NRXN3: variants seen among roughly 807,000 people sequenced by gnomAD.
NRXN3 encodes neurexin III.
NRXN3 carries 32 observed loss-of-function variants against 137.6 expected under a neutral mutation model. The ratio of observed to expected loss-of-function variants is 0.23; its 90% CI spans 0.18 to 0.31. NRXN3 has a LOEUF of 0.31. NRXN3 is among the 10% of genes least tolerant of loss of function. The pLI is 1.00. For missense variants in NRXN3, 1,574 were observed against 2,062.5 expected, an observed-to-expected ratio of 0.76 and a Z score of 4.59; for synonymous variants, 798 against 784.5, an observed-to-expected ratio of 1.02 and a Z score of -0.29.
chr14:78,931,626 G>A (rs539697135), intron 10 of NRXN3, among the ~76,000 whole-genome samples: 4 of 152,120 alleles, frequency 2.6e-5, no homozygotes, highest in East Asian at 3.9e-4. Context: ...TACCTAAAAG[G>A]GCAAAAGTAT....
chr14:78,899,765 T>A (rs1021225119), intron 10 of NRXN3, among the ~76,000 whole-genome samples: 1 of 152,034 alleles, frequency 6.6e-6, no homozygotes, highest in Admixed American at 6.6e-5. Context: ...ATCTCTTAAA[T>A]GTTTCTATAA....
chr14:79,252,575 G>C (rs1187982815), intron 15 of NRXN3, among the ~76,000 whole-genome samples: 3 of 152,018 alleles, frequency 2.0e-5, no homozygotes, highest in Non-Finnish European at 4.4e-5. Flanking sequence ...TTGTTGGGGG[G>C]GTGGTGGTGG....
At chr14:79,490,710 G>A (rs920900881) in intron 16 of NRXN3, among the ~76,000 whole-genome samples, 2 of 151,340 alleles carry the variant, frequency 1.3e-5, no homozygotes, top group Non-Finnish European at 2.9e-5. Flanking sequence ...TGGTTAATGA[G>A]TATTAAAAAA....
At chr14:78,255,727 C>T (rs1361555055) in intron 2 of NRXN3, among the ~76,000 whole-genome samples, 1 of 152,174 alleles carries the variant, frequency 6.6e-6, no homozygotes, top group Non-Finnish European at 1.5e-5. Context: ...AATGTCACGT[C>T]TCTGACAAAA....
At chr14:79,834,198 A>G (rs2099330558) in intron 20 of NRXN3, among the ~76,000 whole-genome samples, 1 of 152,200 alleles carries the variant, frequency 6.6e-6, no homozygotes, top group Non-Finnish European at 1.5e-5. Flanking sequence ...CCCTTAAGAA[A>G]CAAAACACAG....
At chr14:79,407,378 A>C (rs991533064) in intron 15 of NRXN3, among the ~76,000 whole-genome samples, 4 of 152,070 alleles carry the variant, frequency 2.6e-5, no homozygotes, top group African/African-American at 9.7e-5. Flanking sequence ...TCCCTTCATC[A>C]TGCTTCCCAT....
intron 4 of NRXN3, among the ~76,000 whole-genome samples, chr14:78,303,005 A>G (rs912749836): frequency 2.6e-5 from 4 of 152,134 alleles, no homozygotes; most frequent in African/African-American, 9.7e-5. Flanking sequence ...TGCGGCCCAC[A>G]AATGGAGTGC....
intron 20 of NRXN3, among the ~76,000 whole-genome samples, chr14:79,818,835 T>C (rs1347010815): frequency 1.3e-5 from 2 of 152,252 alleles, no homozygotes; most frequent in East Asian, 3.8e-4. Flanking sequence ...AAACTGTGTT[T>C]GCTTGTATTA....
chr14:78,257,219 C>A (rs903150843), intron 2 of NRXN3, among the ~76,000 whole-genome samples: 1 of 152,214 alleles, frequency 6.6e-6, no homozygotes, highest in Non-Finnish European at 1.5e-5. Flanking sequence ...TGAACTATCT[C>A]CAAGCTTTTG....
At chr14:79,717,110 G>A (rs1018390740) in intron 19 of NRXN3, among the ~76,000 whole-genome samples, 1 of 152,124 alleles carries the variant, frequency 6.6e-6, no homozygotes, top group African/African-American at 2.4e-5. Context: ...CCCCAGAGTA[G>A]GAGTCACCAC....
chr14:78,736,125 A>G (rs2098540120), intron 8 of NRXN3, among the ~76,000 whole-genome samples: 1 of 133,288 alleles, frequency 7.5e-6, no homozygotes, highest in South Asian at 2.4e-4. Context: ...CTACACACAT[A>G]CACATAGATC....
intron 4 of NRXN3, among the ~76,000 whole-genome samples, chr14:78,353,848 T>G (rs964047098): frequency 2.0e-5 from 3 of 152,174 alleles, no homozygotes; most frequent in African/African-American, 7.2e-5. Flanking sequence ...GAACTTCTGG[T>G]TCCTCATAGA....
At chr14:78,350,025 C>T (rs988456258) in intron 4 of NRXN3, among the ~76,000 whole-genome samples, 32 of 151,976 alleles carry the variant, frequency 2.1e-4, no homozygotes, top group East Asian at 1.6e-3. Context: ...TGGTGGCTCA[C>T]GCCTGTAATC....
chr14:78,553,067 A>G (rs112679927), intron 4 of NRXN3, among the ~76,000 whole-genome samples: 2 of 152,238 alleles, frequency 1.3e-5, no homozygotes, highest in African/African-American at 4.8e-5. Context: ...ATTAATCATC[A>G]TAACAACCTT....
At chr14:79,833,009 C>T (rs535825778) in intron 20 of NRXN3, among the ~76,000 whole-genome samples, 17 of 152,138 alleles carry the variant, frequency 1.1e-4, no homozygotes, top group African/African-American at 3.9e-4. Context: ...TAGGAGAAAC[C>T]TACTATTCAG....
chr14:79,720,630 A>G (rs1199884290), intron 19 of NRXN3, among the ~76,000 whole-genome samples: 2 of 152,094 alleles, frequency 1.3e-5, no homozygotes, highest in African/African-American at 4.8e-5. Context: ...CTAGGTTTCT[A>G]TTCATTTCCA....
chr14:79,447,493 G>A (rs942232266), intron 15 of NRXN3, among the ~76,000 whole-genome samples: 2 of 152,166 alleles, frequency 1.3e-5, no homozygotes, highest in East Asian at 3.9e-4. Context: ...AACTAATTTA[G>A]ATTGAATGTG....
intron 10 of NRXN3, among the ~76,000 whole-genome samples, chr14:78,917,770 C>T (rs1473002004): frequency 6.6e-6 from 1 of 151,960 alleles, no homozygotes; most frequent in Admixed American, 6.6e-5. Flanking sequence ...GAGGAAGGCT[C>T]ATCCGCTCTT....
At chr14:79,278,089 G>T (rs930421605) in intron 15 of NRXN3, among the ~76,000 whole-genome samples, 2 of 152,068 alleles carry the variant, frequency 1.3e-5, no homozygotes, top group African/African-American at 4.8e-5. Context: ...TTATCCTCAG[G>T]GGGTTTGAAA....
Sources: gnomAD v4.1 joint callset for allele counts (sites outside exome capture counted in the v4.1 genomes callset) on GRCh38, gnomAD v4.1.1 for gene constraint, MANE v1.5 for transcripts, NCBI Gene and HGNC (gene_info 2026-07-23, HGNC 2026-07-21) for gene names.